UMAD1: variants seen among roughly 807,000 people sequenced by gnomAD.
UMAD1 encodes the protein UBAP1-MVB12-associated (UMA)-domain containing protein 1.
In UMAD1, 8 loss-of-function variants were observed where a neutral mutation model predicts 6.1. The observed-to-expected ratio is 1.30, with a 90% CI of 0.76 to 2.35. The LOEUF is 2.35. Ranked by LOEUF, UMAD1 falls within the 30% of genes most tolerant of loss-of-function variation. The pLI is 0.00. For synonymous variants in UMAD1, 56 were observed against 31.4 expected (o/e 1.78, Z -2.61); for missense variants, 130 against 78.4 (o/e 1.66, Z -2.49).
intron 2 of UMAD1, chr7:7,740,845 G>A (rs1449334914): frequency 6.6e-6 from 1 of 151,980 alleles, no homozygotes; most frequent in Non-Finnish European, 1.5e-5. Flanking sequence ...ACCCAAATCT[G>A]TTTTATCAAT....
At chr7:7,641,360 T>G (rs1387473864) in intron 1 of UMAD1, 1 of 152,204 alleles carries the variant, frequency 6.6e-6, no homozygotes, top group Non-Finnish European at 1.5e-5. Flanking sequence ...CTTAAATCGT[T>G]GTTAGACCCC....
At chr7:7,858,781 G>A (rs188677548) in intron 3 of UMAD1, among the ~76,000 whole-genome samples, 31 of 152,182 alleles carry the variant, frequency 2.0e-4, no homozygotes, top group Admixed American at 4.6e-4. Flanking sequence ...GTTAGCAGAC[G>A]GATTATGCTC....
chr7:7,730,875 G>A (rs1210212402), intron 2 of UMAD1, among the ~76,000 whole-genome samples: 1 of 151,420 alleles, frequency 6.6e-6, no homozygotes, highest in African/African-American at 2.5e-5. Flanking sequence ...AGTAGTCGGA[G>A]TGGAAGCAGT....
chr7:7,869,853 A>G (rs1563274761), intron 3 of UMAD1, among the ~76,000 whole-genome samples: 2 of 152,194 alleles, frequency 1.3e-5, no homozygotes. Context: ...AGCGAGGTTC[A>G]CAAGGATGCC....
At chr7:7,801,830 G>C (rs946713044) in intron 3 of UMAD1, 87 bp downstream of exon 3, 9 of 686,122 alleles carry the variant, frequency 1.3e-5, no homozygotes, top group Non-Finnish European at 2.4e-5. Context: ...AGTAACTTCT[G>C]CTCTTGCTAT....
chr7:7,780,305 C>G (rs1782317850), intron 2 of UMAD1, among the ~76,000 whole-genome samples: 1 of 152,216 alleles, frequency 6.6e-6, no homozygotes, highest in Admixed American at 6.5e-5. Flanking sequence ...TCCTCTGTCC[C>G]TCCCAACTAC....
At chr7:7,868,783 T>TC (rs1003373009) in intron 3 of UMAD1, among the ~76,000 whole-genome samples, 2 of 152,124 alleles carry the variant, frequency 1.3e-5, no homozygotes, top group African/African-American at 4.8e-5. Context: ...ATTCAGCTTC[T>TC]CCCCCCTAAT....
intron 2 of UMAD1, among the ~76,000 whole-genome samples, chr7:7,722,471 G>T (rs574803756): frequency 6.6e-6 from 1 of 152,030 alleles, no homozygotes; most frequent in Non-Finnish European, 1.5e-5. Context: ...CTGATTTACC[G>T]CCCATGTGAG....
At chr7:7,820,245 T>C (rs1055855560) in intron 3 of UMAD1, among the ~76,000 whole-genome samples, 6 of 138,358 alleles carry the variant, frequency 4.3e-5, no homozygotes, top group Admixed American at 2.9e-4. Context: ...TAAAGCATAG[T>C]AATATGAGAA....
chr7:7,815,334 CAGTA>C (rs1345864510), intron 3 of UMAD1, among the ~76,000 whole-genome samples: 3 of 151,958 alleles, frequency 2.0e-5, no homozygotes, highest in African/African-American at 4.8e-5. Flanking sequence ...ACTAGATACT[CAGTA>C]AGTATTAGTT....
intron 2 of UMAD1, among the ~76,000 whole-genome samples, chr7:7,797,221 G>C (rs781778491): frequency 6.6e-6 from 1 of 152,082 alleles, no homozygotes; most frequent in South Asian, 2.1e-4. Flanking sequence ...CTCTCACATG[G>C]ACTAATAGAG....
chr7:7,819,499 C>T (rs1783200961), intron 3 of UMAD1, among the ~76,000 whole-genome samples: 1 of 152,064 alleles, frequency 6.6e-6, no homozygotes, highest in Admixed American at 6.6e-5. Context: ...GCAGAAATCA[C>T]ACATACACAA....
intron 2 of UMAD1, among the ~76,000 whole-genome samples, chr7:7,715,893 C>G (rs987951088): frequency 6.6e-6 from 1 of 152,070 alleles, no homozygotes; most frequent in African/African-American, 2.4e-5. Flanking sequence ...ACATTTTAAC[C>G]ATTTACTAAA....
chr7:7,855,580 G>A (rs114981081), intron 3 of UMAD1, among the ~76,000 whole-genome samples: 3,155 of 151,900 alleles, frequency 0.021, 120 homozygotes, highest in African/African-American at 0.072. Flanking sequence ...GCACACAGCA[G>A]GGGGGGCCCT....
chr7:7,760,023 C>A (rs974729200), intron 2 of UMAD1, among the ~76,000 whole-genome samples: 1 of 152,092 alleles, frequency 6.6e-6, no homozygotes, highest in Non-Finnish European at 1.5e-5. Context: ...GCCAAAGAGA[C>A]CCTGGCTTAC....
At chr7:7,690,622 A>G (rs527803323) in intron 2 of UMAD1, among the ~76,000 whole-genome samples, 56 of 152,202 alleles carry the variant, frequency 3.7e-4, no homozygotes, top group Non-Finnish European at 7.3e-4. Flanking sequence ...CTAAACAGCC[A>G]CATATGTAAA....
At chr7:7,660,189 T>A (rs979168393) in intron 1 of UMAD1, among the ~76,000 whole-genome samples, 1 of 152,258 alleles carries the variant, frequency 6.6e-6, no homozygotes, top group Non-Finnish European at 1.5e-5. Context: ...TGAGCCTATG[T>A]GTGTCTTTGC....
At chr7:7,838,077 G>A (rs1003509987) in intron 3 of UMAD1, among the ~76,000 whole-genome samples, 11 of 152,130 alleles carry the variant, frequency 7.2e-5, no homozygotes, top group Non-Finnish European at 1.2e-4. Context: ...AAGAAAAAAT[G>A]TCATCAGAAT....
At chr7:7,726,740 CACA>C (rs1583778348) in intron 2 of UMAD1, among the ~76,000 whole-genome samples, 1 of 152,124 alleles carries the variant, frequency 6.6e-6, no homozygotes, top group African/African-American at 2.4e-5. Flanking sequence ...TGCCAGGAGA[CACA>C]ACAACGATTC....
Sources: allele counts gnomAD v4.1 joint callset (sites outside exome capture counted in the v4.1 genomes callset), GRCh38; gene constraint gnomAD v4.1.1; transcripts MANE v1.5; gene names NCBI Gene and HGNC (gene_info 2026-07-23, HGNC 2026-07-21).